F13A1: variants seen among roughly 807,000 people sequenced by gnomAD.
The protein encoded by F13A1 is coagulation factor XIII A chain, also known as FSF, A subunit.
F13A1 carries 47 observed loss-of-function variants against 80.1 expected under a neutral mutation model. That is an observed-to-expected ratio of 0.59 (90% CI 0.46 to 0.75). F13A1 has a LOEUF of 0.75. Among genes scored for constraint, F13A1 ranks in the 30% least tolerant of loss-of-function variants. F13A1 has a pLI of 0.00. For missense variants in F13A1, 817 were observed against 930.4 expected, an observed-to-expected ratio of 0.88 and a Z score of 1.59; for synonymous variants, 349 against 344.9, an observed-to-expected ratio of 1.01 and a Z score of -0.13.
chr6:6,289,425 T>C (rs371543238), intron 3 of F13A1, among the ~76,000 whole-genome samples: 138 of 151,154 alleles, frequency 9.1e-4, no homozygotes, highest in African/African-American at 3.3e-3. Context: ...CATTTTACTA[T>C]GCAAATACAC....
Position 6,166,745 on chromosome 6 carries a change from C to A in F13A1, c.1908+713G>T, listed in dbSNP as rs565377057. ...TCCACTCTCATCAACCCTCGGCCTT[C>A]CTCTGCCAAGTCTCTTGAGCCATTT... On this transcript the variant is annotated intron_variant, in intron 13 of 14. Transcript: ENST00000264870. 1.1e-3 allele frequency among the ~76,000 whole-genome samples: 173 copies of A among 152,348 alleles called. 1 individual carries two copies. Among genetic ancestry groups the A allele is most frequent in the Admixed American group, 1.9e-3 (29 of 15,302 alleles).
chr6:6,303,793 G>A (rs143022469), intron 3 of F13A1, among the ~76,000 whole-genome samples: 21 of 152,206 alleles, frequency 1.4e-4, no homozygotes, highest in Non-Finnish European at 2.4e-4. Flanking sequence ...TATAGGTTGC[G>A]TGTTCAGGTT....
At chr6:6,151,718 A>G (rs1365524121) in intron 14 of F13A1, 95 bp downstream of exon 14, 63 of 1,552,958 alleles carry the variant, frequency 4.1e-5, no homozygotes, top group Middle Eastern at 4.2e-4. Flanking sequence ...AGACATTTTC[A>G]CTGGGGAGCA....
intron 12 of F13A1, among the ~76,000 whole-genome samples, chr6:6,170,667 C>T (rs755835771): frequency 2.0e-5 from 3 of 152,022 alleles, no homozygotes; most frequent in South Asian, 2.1e-4. Flanking sequence ...TTTGAAGGTA[C>T]GGAGAGGTTT....
intron 8 of F13A1, among the ~76,000 whole-genome samples, chr6:6,203,518 A>T (rs1170643075): frequency 6.6e-6 from 1 of 152,226 alleles, no homozygotes; most frequent in Admixed American, 6.5e-5. Flanking sequence ...GCTTCAAAGA[A>T]GATAGAAGCA....
chr6:6,303,381 T>G (rs1449730336), intron 3 of F13A1, among the ~76,000 whole-genome samples: 2 of 152,180 alleles, frequency 1.3e-5, no homozygotes, highest in African/African-American at 4.8e-5. Context: ...ATATTAATTT[T>G]GGGAGGCTTT....
chr6:6,212,772 A>G (rs1389382948), intron 8 of F13A1, among the ~76,000 whole-genome samples: 2 of 152,204 alleles, frequency 1.3e-5, no homozygotes, highest in African/African-American at 4.8e-5. Flanking sequence ...AAGAAGTTGA[A>G]AACTTTGAAA....
chr6:6,301,761 T>C (rs912694514), intron 3 of F13A1, among the ~76,000 whole-genome samples: 2 of 152,216 alleles, frequency 1.3e-5, no homozygotes, highest in Non-Finnish European at 2.9e-5. Context: ...TTTAGTTGCT[T>C]TCAGGGGTTA....
intron 2 of F13A1, among the ~76,000 whole-genome samples, chr6:6,307,604 A>T (rs1408221729): frequency 6.6e-6 from 1 of 152,132 alleles, no homozygotes; most frequent in Non-Finnish European, 1.5e-5. Flanking sequence ...GGGTTTCATC[A>T]GTTCTCCGTT....
At chr6:6,194,996 A>G (rs1462974170) in intron 10 of F13A1, among the ~76,000 whole-genome samples, 1 of 152,228 alleles carries the variant, frequency 6.6e-6, no homozygotes. Flanking sequence ...GGCAAAGTGA[A>G]AGACATTATT....
chr6:6,305,287 G>GAAA (rs773701524), intron 3 of F13A1, 64 bp downstream of exon 3: 7 of 1,568,232 alleles, frequency 4.5e-6, no homozygotes, highest in Non-Finnish European at 6.1e-6. Context: ...AACTGTGCCT[G>GAAA]TACCCACCTC....
chr6:6,198,728 T>G (rs1015221697), intron 8 of F13A1, among the ~76,000 whole-genome samples: 94 of 152,352 alleles, frequency 6.2e-4, no homozygotes, highest in African/African-American at 2.2e-3. Context: ...AGGTTTGCTG[T>G]GAGACTTAAA....
At chr6:6,220,060 G>C (rs1006470176) in intron 8 of F13A1, among the ~76,000 whole-genome samples, 6 of 152,224 alleles carry the variant, frequency 3.9e-5, no homozygotes, top group Non-Finnish European at 7.3e-5. Context: ...CAGTAGCAGA[G>C]CCAAGTCTTG....
At chr6:6,254,176 G>A (rs1000680724) in intron 4 of F13A1, among the ~76,000 whole-genome samples, 1 of 151,664 alleles carries the variant, frequency 6.6e-6, no homozygotes, top group Non-Finnish European at 1.5e-5. Flanking sequence ...ATGAGGGTAT[G>A]AAGAGATGGA....
chr6:6,193,588 C>T (rs9379016), intron 10 of F13A1, among the ~76,000 whole-genome samples: 23 of 152,334 alleles, frequency 1.5e-4, no homozygotes, highest in East Asian at 1.2e-3. Context: ...CTGTCAGACA[C>T]GCCTCTGCAG....
intron 3 of F13A1, among the ~76,000 whole-genome samples, chr6:6,281,258 C>CATAAA: frequency 6.6e-6 from 1 of 152,136 alleles, no homozygotes; most frequent in Non-Finnish European, 1.5e-5. Context: ...AATAGAATTT[C>CATAAA]ACTCATTGCA....
intron 8 of F13A1, among the ~76,000 whole-genome samples, chr6:6,212,573 T>TG (rs1761637768): frequency 6.6e-6 from 1 of 151,878 alleles, no homozygotes; most frequent in Admixed American, 6.6e-5. Flanking sequence ...ACCACAAAGA[T>TG]GGGGAAAAAA....
At chr6:6,294,823 C>T (rs1462698382) in intron 3 of F13A1, among the ~76,000 whole-genome samples, 1 of 150,808 alleles carries the variant, frequency 6.6e-6, no homozygotes, top group Admixed American at 6.6e-5. Context: ...ATACATGTGC[C>T]ATGGTGGTGC....
intron 6 of F13A1, among the ~76,000 whole-genome samples, chr6:6,227,460 C>G (rs551301652): frequency 6.6e-6 from 1 of 152,326 alleles, no homozygotes; most frequent in Admixed American, 6.5e-5. Context: ...CATGAAATGA[C>G]TGGAGTGCAG....
Sources: gnomAD v4.1 joint callset for allele counts (sites outside exome capture counted in the v4.1 genomes callset) on GRCh38, gnomAD v4.1.1 for gene constraint, MANE v1.5 for transcripts, NCBI Gene and HGNC (gene_info 2026-07-23, HGNC 2026-07-21) for gene names.